G3BP2: variants seen among roughly 807,000 people sequenced by gnomAD.
The protein encoded by G3BP2 is G3BP stress granule assembly factor 2.
Under a neutral mutation model 56.7 loss-of-function variants are expected in G3BP2, and 11 were observed. That is an observed-to-expected ratio of 0.19 (90% CI 0.12 to 0.32). G3BP2 has a LOEUF of 0.32. Ranked by LOEUF, G3BP2 falls within the 10% of genes least tolerant of loss-of-function variation. The pLI, the probability that G3BP2 is intolerant of heterozygous loss-of-function variation, is 1.00. For missense variants in G3BP2, 340 were observed against 610.9 expected (o/e 0.56, Z 4.67); for synonymous variants, 165 against 191.6 (o/e 0.86, Z 1.15).
chr4:75,718,110 T>A (rs1267570484), intron 3 of G3BP2, among the ~76,000 whole-genome samples: 1 of 150,566 alleles, frequency 6.6e-6, no homozygotes. Flanking sequence ...CACTCCAGCC[T>A]GGAGACAGAA....
chr4:75,660,641 C>A (rs1017406717), intron 2 of G3BP2, among the ~76,000 whole-genome samples: 1 of 152,148 alleles, frequency 6.6e-6, no homozygotes, highest in African/African-American at 2.4e-5. Flanking sequence ...ACAGATTACA[C>A]GTATGTTCAA....
upstream of G3BP2, among the ~76,000 whole-genome samples, chr4:75,674,718 ATTTTTTTTTTTT>A (rs71203842): frequency 1.3e-4 from 9 of 71,428 alleles, no homozygotes; most frequent in South Asian, 5.5e-4. Context: ...ATATATATAT[ATTTTTTTTTTTT>A]TTTTTTTTTT....
chr4:75,697,389 T>C (rs1039637445), intron 3 of G3BP2, among the ~76,000 whole-genome samples: 13 of 149,866 alleles, frequency 8.7e-5, no homozygotes, highest in African/African-American at 3.2e-4. Flanking sequence ...GGGGGAGTGA[T>C]AAAAGTATAG....
chr4:75,686,568 G>A (rs1718616212), intron 3 of G3BP2, among the ~76,000 whole-genome samples: 2 of 137,592 alleles, frequency 1.5e-5, no homozygotes, highest in Admixed American at 7.2e-5. Context: ...GGGTGGCGGG[G>A]GGTGGGGGTG....
chr4:75,660,461 T>C lies in G3BP2; in HGVS notation c.95+1470A>G, dbSNP rs182661537. Among the ~76,000 whole-genome samples the C allele has an allele frequency of 1.1e-4, 16 of 152,318 alleles. No individual in the cohort carries two copies. In the East Asian group the frequency reaches 2.9e-3, roughly 28 times the overall value. Reference sequence around the variant, plus strand: ...GAATACTGGCTATGGTTAGCTTGTTTACTTACTGAGTGATCCTAGATGAAT... The same window carrying C: ...GAATACTGGCTATGGTTAGCTTGTTCACTTACTGAGTGATCCTAGATGAAT... On this transcript the variant is annotated intron_variant, in intron 2 of 11. Transcript: ENST00000359707.
intron 3 of G3BP2, among the ~76,000 whole-genome samples, chr4:75,688,983 AG>A (rs1718737192): frequency 6.6e-6 from 1 of 152,164 alleles, no homozygotes; most frequent in South Asian, 2.1e-4. Context: ...TTTACTCATT[AG>A]TCTTTCCTCC....
intron 6 of G3BP2, 73 bp from the exon 7 acceptor site, chr4:75,655,319 A>C: frequency 9.2e-7 from 1 of 1,082,878 alleles, no homozygotes; most frequent in Non-Finnish European, 1.4e-6. Flanking sequence ...CTCTAATCCA[A>C]TGGGTGTAAC....
chr4:75,656,882 C>A, intron 5 of G3BP2, 42 bp downstream of exon 5: 1 of 902,170 alleles, frequency 1.1e-6, no homozygotes, highest in South Asian at 1.4e-5. Flanking sequence ...TAAAGAGTAC[C>A]AACAGAACCC....
chr4:75,666,180 A>G (rs971810967), intron 1 of G3BP2, among the ~76,000 whole-genome samples: 21 of 152,264 alleles, frequency 1.4e-4, no homozygotes, highest in African/African-American at 5.1e-4. Flanking sequence ...CTACATGGTC[A>G]CTGAAGTATA....
intron 3 of G3BP2, among the ~76,000 whole-genome samples, chr4:75,712,416 A>G (rs1163427683): frequency 6.6e-6 from 1 of 152,210 alleles, no homozygotes; most frequent in Non-Finnish European, 1.5e-5. Flanking sequence ...TCAGTTAAAT[A>G]AAGTGAGATT....
chr4:75,702,445 C>T lies in G3BP2; in HGVS notation c.-25+18432G>A, dbSNP rs571127277. Among the ~76,000 whole-genome samples, 39 of 152,262 alleles carry T rather than the reference C, an allele frequency of 2.6e-4. 1 individual carries two copies. The South Asian group carries it at 8.1e-3, about 32-fold the overall frequency. On this transcript the variant is annotated intron_variant, in intron 3 of 3. Coordinates refer to the G3BP2 transcript ENST00000499709. The stretch of plus-strand genomic sequence containing the variant: ...GGCGTGAGCCACCACGCCTGGACCC[C>T]CGAATTCTAACCACCTCTTTGAGTT...
chr4:75,666,894 GC>G (rs1348220319), intron 1 of G3BP2, among the ~76,000 whole-genome samples: 1 of 152,052 alleles, frequency 6.6e-6, no homozygotes, highest in Non-Finnish European at 1.5e-5. Context: ...CTTATCCATG[GC>G]CATGAAAAAC....
At chr4:75,698,825 C>T (rs953699548) in intron 3 of G3BP2, among the ~76,000 whole-genome samples, 12 of 152,054 alleles carry the variant, frequency 7.9e-5, no homozygotes, top group African/African-American at 1.4e-4. Flanking sequence ...CCACCCAAGG[C>T]GCTAGGACCA....
intron 3 of G3BP2, among the ~76,000 whole-genome samples, chr4:75,703,849 AT>A (rs1474634404): frequency 6.6e-6 from 1 of 152,028 alleles, no homozygotes; most frequent in African/African-American, 2.4e-5. Flanking sequence ...AGGTCATTTC[AT>A]TTTCTTATTA....
Position 75,644,456 on chromosome 4 carries a change from T to C in G3BP2, c.*974A>G, listed in dbSNP as rs1055593049. On this transcript the variant is annotated 3_prime_UTR_variant, in exon 12 of 12. Coordinates refer to ENST00000359707, the MANE Select transcript of G3BP2 (RefSeq NM_203505.3). ...TGATTTTTCAACATTTTGCAGCTGT[T>C]TGGCTTTGCAGCACAGCAATTCATA... The C allele has an allele frequency of 6.6e-6, 1 of 152,666 alleles. No individual in the cohort carries two copies. The highest frequency in any genetic ancestry group is 1.5e-5 in the Non-Finnish European group (1 of 68,046). The allele number at this position is 152,666 out of a possible 1,614,324, so 9.5% of individuals were successfully genotyped here.
intron 8 of G3BP2, among the ~76,000 whole-genome samples, chr4:75,651,189 T>A (rs1179823116): frequency 6.6e-6 from 1 of 152,220 alleles, no homozygotes; most frequent in African/African-American, 2.4e-5. Flanking sequence ...ATAAACGTAC[T>A]CTGTCAAAGT....
chr4:75,690,333 G>A (rs893938991), intron 3 of G3BP2, among the ~76,000 whole-genome samples: 3 of 151,884 alleles, frequency 2.0e-5, no homozygotes, highest in Non-Finnish European at 4.4e-5. Flanking sequence ...GGGAGACTGA[G>A]ACAGGAGAAT....
intron 3 of G3BP2, among the ~76,000 whole-genome samples, chr4:75,709,928 T>TAAG (rs998459143): frequency 3.9e-5 from 6 of 152,152 alleles, no homozygotes; most frequent in African/African-American, 1.2e-4. Context: ...CTCACTTGGG[T>TAAG]AAGAATAGAC....
At position 75,645,326 on chromosome 4, in the gene G3BP2, G is replaced by T; in HGVS notation, c.*104C>A. ...AAGATGCTTTTCACATCAAAGAAAT[G>T]ATCAAAAAGGCTGTGTCACATTCCA... On this transcript the variant is annotated 3_prime_UTR_variant, in exon 12 of 12. Coordinates refer to ENST00000359707, the MANE Select transcript of G3BP2 (RefSeq NM_203505.3). 2.9e-6 allele frequency: 3 copies of T among 1,020,996 alleles called. No individual in the cohort carries two copies. Among genetic ancestry groups the T allele is most frequent in the South Asian group, 3.3e-5 (2 of 60,658 alleles). 63.2% of individuals were successfully genotyped at this position (1,020,996 alleles called of 1,614,324 possible).
Sources: allele counts gnomAD v4.1 joint callset (sites outside exome capture counted in the v4.1 genomes callset), GRCh38; gene constraint gnomAD v4.1.1; transcripts MANE v1.5; gene names NCBI Gene and HGNC (gene_info 2026-07-23, HGNC 2026-07-21).